Variants in TNRC6B observed in about 807,000 individuals in gnomAD.
TNRC6B encodes trinucleotide repeat-containing gene 6B protein.
In TNRC6B, 52 loss-of-function variants were observed where a neutral mutation model predicts 203.6. The observed-to-expected ratio is 0.26, with a 90% CI of 0.20 to 0.32. The LOEUF (loss-of-function observed/expected upper bound fraction) is 0.32. Among genes scored for constraint, TNRC6B ranks in the 10% least tolerant of loss-of-function variants. The probability of loss-of-function intolerance (pLI) is 1.00; values close to 1 mark genes in which losing one functional copy is unlikely to be tolerated. For missense variants in TNRC6B, 1,923 were observed against 2,286.2 expected, an observed-to-expected ratio of 0.84 and a Z score of 3.24; for synonymous variants, 838 against 845.7, an observed-to-expected ratio of 0.99 and a Z score of 0.16.
intron 15 of TNRC6B, among the ~76,000 whole-genome samples, chr22:40,307,875 A>G (rs2071111412): frequency 6.6e-6 from 1 of 152,168 alleles, no homozygotes; most frequent in Non-Finnish European, 1.5e-5. Context: ...TCCTAGAGAA[A>G]AAAAGATCCG....
At chr22:40,119,988 T>C (rs2068428803) in intron 2 of TNRC6B, among the ~76,000 whole-genome samples, 1 of 152,136 alleles carries the variant, frequency 6.6e-6, no homozygotes, top group South Asian at 2.1e-4. Flanking sequence ...AGGACAAAGA[T>C]AAAAATGGGT....
intron 1 of TNRC6B, among the ~76,000 whole-genome samples, chr22:40,094,056 A>G (rs2068168893): frequency 6.6e-6 from 1 of 152,172 alleles, no homozygotes; most frequent in South Asian, 2.1e-4. Context: ...AAAACATCAC[A>G]TGTACCACGT....
intron 3 of TNRC6B, among the ~76,000 whole-genome samples, chr22:40,253,336 T>C (rs5750920): frequency 0.64 from 96,779 of 150,450 alleles, 34,564 homozygotes; most frequent in East Asian, 0.99. Flanking sequence ...GTGATCCGCC[T>C]GCCTCGGCCT....
At chr22:40,315,548 C>A in intron 20 of TNRC6B, 41 bp downstream of exon 20, 1 of 1,594,202 alleles carries the variant, frequency 6.3e-7, no homozygotes, top group Non-Finnish European at 8.6e-7. Flanking sequence ...TGTTCATCCA[C>A]AAGGGGCTTA....
intron 3 of TNRC6B, among the ~76,000 whole-genome samples, chr22:40,145,434 T>G (rs1358402976): frequency 2.6e-5 from 4 of 152,204 alleles, no homozygotes; most frequent in African/African-American, 9.6e-5. Flanking sequence ...ACTTCTCAGC[T>G]TTCAAAAAAT....
chr22:40,285,356 T>C (rs1323060545), intron 11 of TNRC6B, among the ~76,000 whole-genome samples: 1 of 152,264 alleles, frequency 6.6e-6, no homozygotes, highest in African/African-American at 2.4e-5. Context: ...ATAAATGTTA[T>C]GTTGCCTATA....
At chr22:40,291,243 G>C (rs774147333) in intron 12 of TNRC6B, among the ~76,000 whole-genome samples, 2 of 151,976 alleles carry the variant, frequency 1.3e-5, no homozygotes, top group Non-Finnish European at 2.9e-5. Context: ...AAAATTAGCC[G>C]GGCATGGTGG....
At chr22:40,218,095 T>C (rs541022797) in intron 1 of TNRC6B, among the ~76,000 whole-genome samples, 21 of 152,256 alleles carry the variant, frequency 1.4e-4, no homozygotes, top group African/African-American at 5.1e-4. Flanking sequence ...CTGACATTTC[T>C]TTATACTGTC....
chr22:40,120,170 C>T (rs1424286726), intron 2 of TNRC6B, among the ~76,000 whole-genome samples: 2 of 152,112 alleles, frequency 1.3e-5, no homozygotes, highest in East Asian at 1.9e-4. Context: ...CTAGCCTGGG[C>T]AACATAGTGA....
intron 7 of TNRC6B, among the ~76,000 whole-genome samples, chr22:40,273,984 T>G (rs2070602195): frequency 6.6e-6 from 1 of 152,152 alleles, no homozygotes; most frequent in Admixed American, 6.5e-5. Flanking sequence ...GTGAGGCAAC[T>G]GGGGTCCTCA....
chr22:40,075,107 A>G (rs1019278544), intron 1 of TNRC6B, among the ~76,000 whole-genome samples: 4 of 132,142 alleles, frequency 3.0e-5, no homozygotes, highest in Non-Finnish European at 6.2e-5. Context: ...TATTAATGTC[A>G]ATTTAGCCAA....
chr22:40,211,333 C>T (rs779287009), intron 1 of TNRC6B, among the ~76,000 whole-genome samples: 3 of 152,136 alleles, frequency 2.0e-5, no homozygotes, highest in Non-Finnish European at 4.4e-5. Flanking sequence ...TCCACCTTGG[C>T]CTCCCAGAGT....
At chr22:40,186,223 C>A (rs1394163647) in intron 1 of TNRC6B, among the ~76,000 whole-genome samples, 1 of 151,998 alleles carries the variant, frequency 6.6e-6, no homozygotes, top group African/African-American at 2.4e-5. Context: ...GACAGTCATT[C>A]CTCATCACAG....
intron 1 of TNRC6B, among the ~76,000 whole-genome samples, chr22:40,091,621 A>G (rs1261482391): frequency 6.6e-6 from 1 of 152,216 alleles, no homozygotes; most frequent in Non-Finnish European, 1.5e-5. Flanking sequence ...GTTTTTAAAA[A>G]TATATTAGAG....
chr22:40,226,501 C>T (rs1049872314), intron 1 of TNRC6B, among the ~76,000 whole-genome samples: 3 of 152,166 alleles, frequency 2.0e-5, no homozygotes, highest in Admixed American at 2.0e-4. Flanking sequence ...GCAGAGTCCA[C>T]ATCTCTTCCA....
Position 40,170,855 on chromosome 22 carries a change from A to G in TNRC6B, c.113+14673A>G, listed in dbSNP as rs185195895. On this transcript the variant is annotated intron_variant, in intron 4 of 23. Coordinates refer to the TNRC6B transcript ENST00000301923. ...TACATATATGTACATATATGTGTGTATATATACATATATGTACATATATGT... is the reference window on the plus strand; with the variant it reads ...TACATATATGTACATATATGTGTGTGTATATACATATATGTACATATATGT... Among the ~76,000 whole-genome samples the G allele has an allele frequency of 4.3e-3, 478 of 110,492 alleles. 3 individuals are homozygous for G. The highest frequency in any genetic ancestry group is 0.018 in the East Asian group (77 of 4,296). The allele number at this position is 110,492 out of a possible 152,430, so 72.5% of individuals were successfully genotyped here. A position where few individuals can be genotyped will look rare whatever the true frequency, so the allele number is the denominator to read the frequency against.
At chr22:40,239,708 T>A (rs1304794565) in intron 1 of TNRC6B, among the ~76,000 whole-genome samples, 1 of 152,202 alleles carries the variant, frequency 6.6e-6, no homozygotes, top group Non-Finnish European at 1.5e-5. Flanking sequence ...AGGGTTCAGT[T>A]CTGGGATGTA....
chr22:40,174,482 A>G (rs757155895), upstream of TNRC6B, among the ~76,000 whole-genome samples: 2 of 152,168 alleles, frequency 1.3e-5, no homozygotes, highest in Non-Finnish European at 2.9e-5. Flanking sequence ...TGCCTGGCCA[A>G]TCATGTTTTC....
Position 40,327,814 on chromosome 22 carries a change from A to G in TNRC6B, c.*4573A>G, listed in dbSNP as rs899190438. The stretch of plus-strand genomic sequence containing the variant: ...ACCTCTCATTACATAGATTTATTTT[A>G]AAAACATTTTGATTATGTTAATTTG... On this transcript the variant is annotated 3_prime_UTR_variant, in exon 23 of 23. Coordinates refer to ENST00000454349, the MANE Select transcript of TNRC6B (RefSeq NM_001162501.2). 6.6e-6 allele frequency: 1 copy of G among 152,158 alleles called. No homozygotes were observed. Among genetic ancestry groups the G allele is most frequent in the Non-Finnish European group, 1.5e-5 (1 of 68,020 alleles). The allele number at this position is 152,158 out of a possible 1,614,324, so 9.4% of individuals were successfully genotyped here. A position where few individuals can be genotyped will look rare whatever the true frequency, so the allele number is the denominator to read the frequency against.
Sources: allele counts gnomAD v4.1 joint callset (sites outside exome capture counted in the v4.1 genomes callset), GRCh38; gene constraint gnomAD v4.1.1; transcripts MANE v1.5; gene names NCBI Gene and HGNC (gene_info 2026-07-23, HGNC 2026-07-21).